DNAH9: variants seen among roughly 807,000 people sequenced by gnomAD.
DNAH9 encodes the protein dynein axonemal heavy chain 9.
DNAH9 carries 345 observed loss-of-function variants against 471.6 expected under a neutral mutation model. That is an observed-to-expected ratio of 0.73 (90% CI 0.67 to 0.80). The LOEUF is 0.80. Among genes scored for constraint, DNAH9 ranks in the 30% least tolerant of loss-of-function variants. The probability of loss-of-function intolerance (pLI) is 0.00; values close to 1 mark genes in which losing one functional copy is unlikely to be tolerated. For missense variants in DNAH9, 5,407 were observed against 5,609.2 expected (o/e 0.96, Z 1.15); for synonymous variants, 2,093 against 2,123.6 (o/e 0.99, Z 0.40).
intron 35 of DNAH9, among the ~76,000 whole-genome samples, chr17:11,762,199 G>A (rs1967706559): frequency 6.6e-6 from 1 of 152,222 alleles, no homozygotes; most frequent in African/African-American, 2.4e-5. Flanking sequence ...ATGCTAAAAA[G>A]TGAATGGCGT....
intron 19 of DNAH9, among the ~76,000 whole-genome samples, chr17:11,683,288 C>T (rs1324413965): frequency 6.6e-6 from 1 of 152,136 alleles, no homozygotes; most frequent in Non-Finnish European, 1.5e-5. Context: ...ATTTTCCTTC[C>T]TCAGCCTCCT....
chr17:11,778,201 G>A (rs567970982), intron 38 of DNAH9, among the ~76,000 whole-genome samples: 1 of 151,708 alleles, frequency 6.6e-6, no homozygotes, highest in East Asian at 1.9e-4. Context: ...AGTGACTCAT[G>A]ATCAGAAACA....
chr17:11,673,960 A>G (rs940265535), intron 17 of DNAH9, among the ~76,000 whole-genome samples: 5 of 152,206 alleles, frequency 3.3e-5, no homozygotes, highest in African/African-American at 1.2e-4. Flanking sequence ...TAAAAATGAT[A>G]TTATTGTATG....
intron 42 of DNAH9, among the ~76,000 whole-genome samples, chr17:11,796,428 CTT>C (rs1969243237): frequency 6.6e-6 from 1 of 152,202 alleles, no homozygotes; most frequent in Non-Finnish European, 1.5e-5. Context: ...AATCTAATAA[CTT>C]TTTTATTTTT....
Position 11,778,136 on chromosome 17 carries a change from GGAA to G in DNAH9, c.7553-2867_7553-2865del, listed in dbSNP as rs1968512697. On this transcript the variant is annotated intron_variant, in intron 38 of 68. Coordinates refer to ENST00000262442, the MANE Select transcript of DNAH9 (RefSeq NM_001372.4). ...GAGGGAGCAAACTGTGCTGGCATTT[GGAA>G]GAAGAGGATTCGAGGCAGAGGGTAC... 2.0e-5 allele frequency among the ~76,000 whole-genome samples: 3 copies of G among 151,692 alleles called. No individual in the cohort carries two copies. The South Asian group carries it at 6.3e-4, about 32-fold the overall frequency.
chr17:11,651,240 G>T lies in DNAH9; in HGVS notation c.2269G>T (p.Glu757Ter). The T allele has an allele frequency of 6.2e-7, 1 of 1,614,034 alleles. No homozygotes were observed. The highest frequency in any genetic ancestry group is 8.5e-7 in the Non-Finnish European group (1 of 1,179,974). Residue 757 changes from glutamate to a stop codon, truncating the protein, a stop_gained, in exon 13 of 69, where the codon GAA becomes TAA. Transcript: ENST00000262442. LOFTEE classifies it high-confidence loss of function. ...NKVMKTLLEV[E>*]FPLVEEELQN... ...GGTTATGAAAACTCTGCTGGAGGTG[G>T]AATTTCCATTAGTGGAGGAAGAGCT...
At chr17:11,796,941 G>A (rs921418540) in intron 42 of DNAH9, among the ~76,000 whole-genome samples, 3 of 152,114 alleles carry the variant, frequency 2.0e-5, no homozygotes, top group Admixed American at 1.3e-4. Context: ...TAACCAGCCC[G>A]TATTTATTCA....
chr17:11,905,692 T>A lies in DNAH9; in HGVS notation c.11632T>A (p.Tyr3878Asn), dbSNP rs139487263. The change falls in exon 61 of 69, where the codon TAC (tyrosine) becomes AAC (asparagine). Residue 3878 changes from tyrosine (Y) to asparagine (N), a missense_variant. Physicochemically the swap from Tyr to Asn is moderately radical, Grantham distance 143 (BLOSUM62 -2). This residue lies in a region of DNAH9 where 4,636 missense variants were observed against 4,900.3 expected (regional missense o/e 0.95). Transcript: ENST00000262442. ...TGTTGAAGAGAAGTTAGGAAGCAAA[T>A]ACGTGGTGGGAAGAGCCCTAGATTT... ...DFVEEKLGSK[Y>N]VVGRALDFAT... The A allele has an allele frequency of 1.1e-4, 175 of 1,613,960 alleles. No individual in the cohort carries two copies. The highest frequency in any genetic ancestry group is 1.4e-4 in the Non-Finnish European group (171 of 1,179,996).
intron 17 of DNAH9, among the ~76,000 whole-genome samples, chr17:11,677,511 GC>G (rs1246819772): frequency 6.6e-6 from 1 of 151,958 alleles, no homozygotes; most frequent in African/African-American, 2.4e-5. Context: ...TTATCCTTTG[GC>G]TTTCAACCTT....
At chr17:11,837,560 G>A (rs1348406653) in intron 49 of DNAH9, among the ~76,000 whole-genome samples, 1 of 152,106 alleles carries the variant, frequency 6.6e-6, no homozygotes, top group Non-Finnish European at 1.5e-5. Flanking sequence ...CTCTGCCTTG[G>A]ACTATGGCAA....
chr17:11,669,537 G>C lies in DNAH9; in HGVS notation c.3096G>C (p.Gly1032=), dbSNP rs778232621. 1 of 1,614,124 alleles carries C rather than the reference G, an allele frequency of 6.2e-7. No homozygotes were observed. Among genetic ancestry groups the C allele is most frequent in the Non-Finnish European group, 8.5e-7 (1 of 1,180,018 alleles). ...TTCTGGGTCAGTTTCTGCTGTACGG[G>C]CACATCCTCACTCCGGAAGAAATTG... ...KEVLGQFLLY[G]HILTPEEIED... The change falls in exon 17 of 69, where the codon GGG becomes GGC. Residue 1032 remains glycine, a synonymous_variant. Transcript: ENST00000262442.
chr17:11,605,826 G>A (rs2072493223), intron 1 of DNAH9, among the ~76,000 whole-genome samples: 1 of 152,086 alleles, frequency 6.6e-6, no homozygotes, highest in South Asian at 2.1e-4. Context: ...ACTTCATAGA[G>A]AGTTCACATT....
intron 50 of DNAH9, 108 bp from the exon 51 acceptor site, chr17:11,869,026 C>G (rs560497963): frequency 7.4e-7 from 1 of 1,347,960 alleles, no homozygotes; most frequent in African/African-American, 1.5e-5. Context: ...GGAATGCCCC[C>G]GCAGAGTGCT....
chr17:11,756,282 A>G (rs71369657), intron 33 of DNAH9, among the ~76,000 whole-genome samples: 1 of 149,868 alleles, frequency 6.7e-6, no homozygotes, highest in Non-Finnish European at 1.5e-5. Context: ...GTCAAAAAAA[A>G]AAAAAAAAAA....
chr17:11,875,452 C>T (rs908970655), intron 53 of DNAH9, among the ~76,000 whole-genome samples: 1 of 152,200 alleles, frequency 6.6e-6, no homozygotes, highest in African/African-American at 2.4e-5. Flanking sequence ...AGCTCATCCT[C>T]TCATTGTCCC....
chr17:11,944,605 A>G (rs4792201), intron 67 of DNAH9, among the ~76,000 whole-genome samples: 39,350 of 152,074 alleles, frequency 0.26, 5,685 homozygotes, highest in Middle Eastern at 0.33. Flanking sequence ...ACCTTTGTCT[A>G]CTGGTCCCAC....
At chr17:11,709,972 G>C (rs2074802006) in intron 26 of DNAH9, among the ~76,000 whole-genome samples, 1 of 152,128 alleles carries the variant, frequency 6.6e-6, no homozygotes, top group Non-Finnish European at 1.5e-5. Context: ...AAAGTCGTAT[G>C]CTCTCTCTTT....
rs190753766 is a variant in DNAH9 at position 11,900,387 on chromosome 17, C to T, written c.11407-2332C>T. Among the ~76,000 whole-genome samples, 8 of 151,460 alleles carry T rather than the reference C, an allele frequency of 5.3e-5. No individual in the cohort carries two copies. The East Asian group carries it at 1.6e-3, about 30-fold the overall frequency. On this transcript the variant is annotated intron_variant, in intron 59 of 68. Transcript: ENST00000262442. ...CCGGTCACATGCCTCTGTCCTTCTC[C>T]AGCTGTTCCTGTCGGTGGTAAGGCA...
At chr17:11,839,342 C>A (rs549853268) in intron 49 of DNAH9, among the ~76,000 whole-genome samples, 4 of 152,066 alleles carry the variant, frequency 2.6e-5, no homozygotes, top group South Asian at 2.1e-4. Context: ...CGGTGAAACC[C>A]CGTCTCTACT....
Sources: gnomAD v4.1 joint callset for allele counts (sites outside exome capture counted in the v4.1 genomes callset) on GRCh38, gnomAD v4.1.1 for gene constraint, gnomAD v4.1.1 regional missense constraint, MANE v1.5 for transcripts, NCBI Gene and HGNC (gene_info 2026-07-23, HGNC 2026-07-21) for gene names.